The following ADGRB3 variants were observed in gnomAD, a reference collection of about 807,000 sequenced individuals.
ADGRB3 encodes the protein brain-specific angiogenesis inhibitor 3.
A neutral mutation model predicts 193.4 loss-of-function variants in ADGRB3; 37 were observed. That is an observed-to-expected ratio of 0.19 (90% CI 0.15 to 0.25). The LOEUF (loss-of-function observed/expected upper bound fraction) is 0.25, where lower values mean the gene tolerates loss of function less well. ADGRB3 is among the 10% of genes least tolerant of loss of function. The pLI, the probability that ADGRB3 is intolerant of heterozygous loss-of-function variation, is 1.00. For missense variants in ADGRB3, 1,637 were observed against 1,852.9 expected (o/e 0.88, Z 2.14); for synonymous variants, 690 against 644.2 (o/e 1.07, Z -1.08).
At chr6:68,859,040 A>G (rs1045658659) in intron 3 of ADGRB3, among the ~76,000 whole-genome samples, 5 of 150,446 alleles carry the variant, frequency 3.3e-5, no homozygotes, top group Admixed American at 2.0e-4. Flanking sequence ...GTAAGTTTGC[A>G]AACTTTTGTG....
chr6:68,817,307 G>GTATATA (rs60723627), intron 3 of ADGRB3, among the ~76,000 whole-genome samples: 6 of 44,176 alleles, frequency 1.4e-4, no homozygotes, highest in South Asian at 1.1e-3. Flanking sequence ...TTTTGTCCAT[G>GTATATA]TATATATATA....
chr6:69,350,536 A>T (rs998389580), intron 26 of ADGRB3, among the ~76,000 whole-genome samples: 2 of 152,132 alleles, frequency 1.3e-5, no homozygotes. Flanking sequence ...TAGTAAAAAA[A>T]TTGCATTTAC....
chr6:69,167,117 G>C (rs898816124), intron 17 of ADGRB3, among the ~76,000 whole-genome samples: 1 of 152,084 alleles, frequency 6.6e-6, no homozygotes, highest in Admixed American at 6.6e-5. Flanking sequence ...GGCATTTATT[G>C]CTCATCCCAT....
chr6:69,031,272 C>T (rs1254643275), intron 13 of ADGRB3, among the ~76,000 whole-genome samples: 1 of 151,318 alleles, frequency 6.6e-6, no homozygotes, highest in Non-Finnish European at 1.5e-5. Context: ...AACCCAGTCT[C>T]TACTAAAAAT....
At chr6:69,379,053 G>A (rs575924904) in intron 30 of ADGRB3, among the ~76,000 whole-genome samples, 2 of 151,898 alleles carry the variant, frequency 1.3e-5, no homozygotes, top group Admixed American at 1.3e-4. Context: ...CTCAGGATGG[G>A]GATTCATATA....
At chr6:69,155,859 A>G (rs544365436) in intron 17 of ADGRB3, among the ~76,000 whole-genome samples, 11 of 152,302 alleles carry the variant, frequency 7.2e-5, no homozygotes, top group African/African-American at 2.6e-4. Context: ...TGTAATAGTA[A>G]CCATTTGAGT....
At chr6:68,699,181 A>G (rs1765202287) in intron 3 of ADGRB3, among the ~76,000 whole-genome samples, 1 of 152,128 alleles carries the variant, frequency 6.6e-6, no homozygotes, top group South Asian at 2.1e-4. Flanking sequence ...ACAATTAGAG[A>G]AACTTGTTCT....
chr6:68,779,098 C>T (rs1766804956), intron 3 of ADGRB3, among the ~76,000 whole-genome samples: 1 of 151,908 alleles, frequency 6.6e-6, no homozygotes, highest in Admixed American at 6.6e-5. Flanking sequence ...TATACACGTA[C>T]ATATTACGTG....
At chr6:69,102,054 G>A (rs1773073313) in intron 17 of ADGRB3, among the ~76,000 whole-genome samples, 1 of 151,868 alleles carries the variant, frequency 6.6e-6, no homozygotes, top group South Asian at 2.1e-4. Flanking sequence ...GCGGACGCCT[G>A]TAGTCCCAGC....
chr6:68,901,350 G>A (rs961349189), intron 3 of ADGRB3, among the ~76,000 whole-genome samples: 4 of 152,112 alleles, frequency 2.6e-5, no homozygotes, highest in African/African-American at 9.7e-5. Flanking sequence ...CATGATAGCT[G>A]GCTTTTTCCG....
In ADGRB3 at chr6:68,884,906, T is replaced by A. The variant is rs930534173; in HGVS notation, c.758-45653T>A. Among the ~76,000 whole-genome samples the A allele has an allele frequency of 2.6e-5, 4 of 152,172 alleles. No homozygotes were observed. The East Asian group carries it at 7.7e-4, about 29-fold the overall frequency. ...AAAGGCTTCCTATACCTCCTAGAAGTACTCATACATCAATTTGAAGATCAC... is the reference window on the plus strand; with the variant it reads ...AAAGGCTTCCTATACCTCCTAGAAGAACTCATACATCAATTTGAAGATCAC... On this transcript the variant is annotated intron_variant, in intron 3 of 31. Transcript: ENST00000370598.
intron 8 of ADGRB3, among the ~76,000 whole-genome samples, chr6:68,969,652 A>T (rs919461130): frequency 6.6e-6 from 1 of 152,184 alleles, no homozygotes; most frequent in Non-Finnish European, 1.5e-5. Flanking sequence ...CTTACTACCC[A>T]GCTCCTCAAC....
intron 15 of ADGRB3, among the ~76,000 whole-genome samples, chr6:69,059,365 C>G (rs555859267): frequency 2.0e-5 from 3 of 152,186 alleles, no homozygotes; most frequent in Non-Finnish European, 2.9e-5. Context: ...CAAAGTGAGT[C>G]TGTTGTAGAC....
intron 17 of ADGRB3, among the ~76,000 whole-genome samples, chr6:69,141,131 G>C (rs1021195271): frequency 1.6e-5 from 2 of 122,694 alleles, no homozygotes; most frequent in African/African-American, 5.7e-5. Context: ...TTTTTTTTGG[G>C]GGGGGCGGTG....
chr6:69,257,738 G>A (rs1459770033), intron 20 of ADGRB3, among the ~76,000 whole-genome samples: 1 of 152,202 alleles, frequency 6.6e-6, no homozygotes, highest in Non-Finnish European at 1.5e-5. Flanking sequence ...CTGTCTCAAA[G>A]GGAGATAGCA....
chr6:69,238,763 C>T (rs1040920173), intron 19 of ADGRB3, among the ~76,000 whole-genome samples: 2 of 151,698 alleles, frequency 1.3e-5, no homozygotes, highest in East Asian at 1.9e-4. Flanking sequence ...TACACACACA[C>T]GTATATAAAG....
intron 26 of ADGRB3, among the ~76,000 whole-genome samples, chr6:69,341,065 G>A (rs185558404): frequency 7.2e-5 from 11 of 152,246 alleles, no homozygotes; most frequent in East Asian, 1.9e-4. Flanking sequence ...GAACAGTGCC[G>A]CAATAAACAT....
intron 8 of ADGRB3, among the ~76,000 whole-genome samples, chr6:68,964,043 C>A (rs2071369647): frequency 6.6e-6 from 1 of 152,042 alleles, no homozygotes; most frequent in Admixed American, 6.6e-5. Context: ...AAAAAGTTTG[C>A]AATGACTCTG....
intron 11 of ADGRB3, among the ~76,000 whole-genome samples, chr6:69,002,570 T>C (rs1362400303): frequency 6.6e-6 from 1 of 152,152 alleles, no homozygotes; most frequent in African/African-American, 2.4e-5. Flanking sequence ...GCACCATGGA[T>C]TACTCCCATG....
Sources: gnomAD v4.1 joint callset for allele counts (sites outside exome capture counted in the v4.1 genomes callset) on GRCh38, gnomAD v4.1.1 for gene constraint, MANE v1.5 for transcripts, NCBI Gene and HGNC (gene_info 2026-07-23, HGNC 2026-07-21) for gene names.